NAV1: variants seen among roughly 807,000 people sequenced by gnomAD.
NAV1 encodes neuron navigator 1.
NAV1 carries 18 observed loss-of-function variants against 175.2 expected under a neutral mutation model. The ratio of observed to expected loss-of-function variants is 0.10; its 90% CI spans 0.07 to 0.15. NAV1 has a LOEUF of 0.15. Ranked by LOEUF, NAV1 falls within the 10% of genes least tolerant of loss-of-function variation. The pLI is 1.00. For synonymous variants in NAV1, 897 were observed against 978.7 expected, an observed-to-expected ratio of 0.92 and a Z score of 1.56; for missense variants, 1,731 against 2,436.6, an observed-to-expected ratio of 0.71 and a Z score of 6.10.
chr1:201,692,725 G>A (rs908212816), intron 1 of NAV1, among the ~76,000 whole-genome samples: 1 of 152,248 alleles, frequency 6.6e-6, no homozygotes, highest in Non-Finnish European at 1.5e-5. Context: ...CTGTCTGTAG[G>A]TAGGATCAGA....
At position 201,667,892 on chromosome 1, in the gene NAV1, G is replaced by A. The variant is rs146157531; in HGVS notation, c.757+18467G>A. On this transcript the variant is annotated intron_variant, in intron 1 of 29. Coordinates refer to ENST00000367296, the Ensembl canonical transcript of NAV1. ...CTTCTGGAAGATGCCCCAAGTGTAG[G>A]GACATGCCCAGACCTTGATGTTCCA... Among the ~76,000 whole-genome samples the A allele has an allele frequency of 3.4e-4, 52 of 152,288 alleles. No individual in the cohort carries two copies. The East Asian group carries it at 9.9e-3, about 29-fold the overall frequency.
chr1:201,616,672 A>C (rs1004642459), intron 2 of NAV1, among the ~76,000 whole-genome samples: 8 of 152,160 alleles, frequency 5.3e-5, no homozygotes, highest in African/African-American at 1.9e-4. Flanking sequence ...TTTTCAGTAG[A>C]GATGGGGTTT....
intron 3 of NAV1, among the ~76,000 whole-genome samples, chr1:201,765,381 C>CTTTTTTTTTTTTTTTT (rs59583786): frequency 1.1e-4 from 11 of 98,616 alleles, no homozygotes; most frequent in African/African-American, 1.6e-4. Flanking sequence ...AGGAAATATT[C>CTTTTTTTTTTTTTTTT]TTTTTTTTTT....
intron 1 of NAV1, among the ~76,000 whole-genome samples, chr1:201,561,399 G>A (rs1666195181): frequency 1.3e-5 from 2 of 152,188 alleles, no homozygotes. Context: ...CAGGATGTGG[G>A]AGCTGCACAG....
chr1:201,793,906 GGGT>G, intron 14 of NAV1, 31 bp downstream of exon 18: 1 of 676,860 alleles, frequency 1.5e-6, no homozygotes, highest in East Asian at 3.9e-5. Context: ...TGGGAGGGGT[GGGT>G]GCGGCGAGGG....
intron 15 of NAV1, among the ~76,000 whole-genome samples, chr1:201,798,959 C>T (rs1484199028): frequency 6.6e-6 from 1 of 151,922 alleles, no homozygotes; most frequent in East Asian, 1.9e-4. Flanking sequence ...ACCTCAGCCT[C>T]CCAAAGTGTT....
intron 11 of NAV1, 118 bp from the exon 16 acceptor site, chr1:201,790,436 C>T: frequency 8.7e-7 from 1 of 1,144,852 alleles, no homozygotes; most frequent in Non-Finnish European, 1.3e-6. Flanking sequence ...AGCCTCTCTG[C>T]ACCTCTGAGT....
At chr1:201,706,804 G>C (rs912833442) in intron 1 of NAV1, among the ~76,000 whole-genome samples, 7 of 152,232 alleles carry the variant, frequency 4.6e-5, no homozygotes, top group African/African-American at 1.7e-4. Flanking sequence ...GATTTCAACA[G>C]TTATTCAGTT....
At chr1:201,689,699 G>A (rs150017402) in intron 1 of NAV1, among the ~76,000 whole-genome samples, 3 of 152,126 alleles carry the variant, frequency 2.0e-5, no homozygotes, top group East Asian at 1.9e-4. Flanking sequence ...CCAAGACCAC[G>A]CTTCTGTTTG....
chr1:201,548,685 C>T (rs1665739181), intron 1 of NAV1, among the ~76,000 whole-genome samples: 1 of 152,146 alleles, frequency 6.6e-6, no homozygotes, highest in African/African-American at 2.4e-5. Flanking sequence ...AAGAGTCTGT[C>T]AAAGTGTTAG....
intron 1 of NAV1, among the ~76,000 whole-genome samples, chr1:201,674,958 C>T (rs1452318990): frequency 6.6e-6 from 1 of 151,016 alleles, no homozygotes; most frequent in Non-Finnish European, 1.5e-5. Context: ...GAGAATTGCC[C>T]GAACCTGGGA....
chr1:201,706,101 C>T (rs115779781), intron 1 of NAV1, among the ~76,000 whole-genome samples: 261 of 152,272 alleles, frequency 1.7e-3, no homozygotes, highest in African/African-American at 6.0e-3. Context: ...TTCCCAAAGA[C>T]GTTTGACTCA....
chr1:201,680,237 C>T (rs865996404), intron 1 of NAV1, among the ~76,000 whole-genome samples: 55 of 152,116 alleles, frequency 3.6e-4, no homozygotes, highest in African/African-American at 1.1e-3. Flanking sequence ...AGGCTGGGCG[C>T]GGTGGCTCAC....
chr1:201,654,064 C>G (rs1669304957), intron 1 of NAV1, among the ~76,000 whole-genome samples: 1 of 152,184 alleles, frequency 6.6e-6, no homozygotes, highest in African/African-American at 2.4e-5. Context: ...GACTCACAGC[C>G]CATGGCTCTG....
At chr1:201,594,072 C>CTTTT (rs5780076) in intron 2 of NAV1, among the ~76,000 whole-genome samples, 44 of 140,910 alleles carry the variant, frequency 3.1e-4, no homozygotes, top group African/African-American at 1.1e-3. Context: ...GGGAGTGGCA[C>CTTTT]TTTTTTTTTT....
At chr1:201,719,048 T>C (rs1672258995) in intron 3 of NAV1, among the ~76,000 whole-genome samples, 1 of 151,912 alleles carries the variant, frequency 6.6e-6, no homozygotes, top group South Asian at 2.1e-4. Flanking sequence ...CCTCCCTGGC[T>C]CTTTGCCCTC....
At chr1:201,809,843 CT>C in intron 22 of NAV1, 102 bp from the exon 27 acceptor site, 1 of 1,157,772 alleles carries the variant, frequency 8.6e-7, no homozygotes, top group Non-Finnish European at 1.2e-6. Context: ...ATGCTCTGCA[CT>C]TTCTCCATCT....
intron 3 of NAV1, among the ~76,000 whole-genome samples, chr1:201,730,879 C>A (rs1672827418): frequency 6.6e-6 from 1 of 152,190 alleles, no homozygotes; most frequent in South Asian, 2.1e-4. Flanking sequence ...AGGCCATTCA[C>A]TGCAGCTGAA....
chr1:201,641,224 A>G (rs2819393), intron 2 of NAV1, among the ~76,000 whole-genome samples: 171 of 152,244 alleles, frequency 1.1e-3, no homozygotes, highest in African/African-American at 3.9e-3. Flanking sequence ...GCCAATAGCA[A>G]ATTCTAACAG....
Sources: allele counts gnomAD v4.1 joint callset (sites outside exome capture counted in the v4.1 genomes callset), GRCh38; gene constraint gnomAD v4.1.1; transcripts MANE v1.5; gene names NCBI Gene and HGNC (gene_info 2026-07-23, HGNC 2026-07-21).